The following ARID1B variants were observed in gnomAD, a reference collection of about 807,000 sequenced individuals.
ARID1B encodes the protein AT-rich interaction domain 1B.
In ARID1B, 30 loss-of-function variants were observed where a neutral mutation model predicts 212.3. The ratio of observed to expected loss-of-function variants is 0.14; its 90% CI spans 0.11 to 0.19. The LOEUF (loss-of-function observed/expected upper bound fraction) is 0.19, where lower values mean the gene tolerates loss of function less well. ARID1B is among the 10% of genes least tolerant of loss of function. The pLI, the probability that ARID1B is intolerant of heterozygous loss-of-function variation, is 1.00. For missense variants in ARID1B, 2,891 were observed against 3,204.0 expected (o/e 0.90, Z 2.36); for synonymous variants, 1,402 against 1,301.7 (o/e 1.08, Z -1.66).
rs904236842 is a variant in ARID1B at position 156,829,437 on chromosome 6, C to T, written c.1986+16C>T. The T allele has an allele frequency of 6.2e-7, 1 of 1,605,032 alleles. No homozygotes were observed. The highest frequency in any genetic ancestry group is 1.7e-5 in the Admixed American group (1 of 58,716). ...TCAGCAGCAGGTTTGTGCTGGTCCCCCGACCCGCTGCTTTTTTGTAATAGT... is the reference window on the plus strand; with the variant it reads ...TCAGCAGCAGGTTTGTGCTGGTCCCTCGACCCGCTGCTTTTTTGTAATAGT... On this transcript the variant is annotated intron_variant, in intron 2 of 19. Coordinates refer to ENST00000636930, the MANE Select transcript of ARID1B (RefSeq NM_001374828.1).
At position 157,210,572 on chromosome 6, in the gene ARID1B, G is replaced by A. The variant is rs188954891; in HGVS notation, c.*2681G>A. 4 of 231,760 alleles carry A rather than the reference G, an allele frequency of 1.7e-5. No homozygotes were observed. Among genetic ancestry groups the A allele is most frequent in the Admixed American group, 1.1e-4 (2 of 17,702 alleles). 14.4% of individuals were successfully genotyped at this position (231,760 alleles called of 1,614,324 possible). A position where few individuals can be genotyped will look rare whatever the true frequency, so the allele number is the denominator to read the frequency against. On this transcript the variant is annotated 3_prime_UTR_variant, in exon 20 of 20. Transcript: ENST00000636930. ...CGAATCAAGATTTACAGAAGCCCACGAAGAATTTACAGCCTGCTTGAGATC... is the reference window on the plus strand; with the variant it reads ...CGAATCAAGATTTACAGAAGCCCACAAAGAATTTACAGCCTGCTTGAGATC...
chr6:156,839,318 G>A (rs1783730334), intron 2 of ARID1B, among the ~76,000 whole-genome samples: 1 of 152,164 alleles, frequency 6.6e-6, no homozygotes, highest in Admixed American at 6.5e-5. Context: ...CAGGGTGAGA[G>A]GGTAGTAGCG....
In ARID1B at chr6:157,154,013, CTT is replaced by C. The variant is rs764910694; in HGVS notation, c.3089+5064_3089+5065del. ...GTGCAGATGTGCACAGGTAGAATAA[CTT>C]TCCCCCATTCATTCCATGTGTCTTA... is the stretch of plus-strand genomic sequence containing the variant. On this transcript the variant is annotated intron_variant, in intron 8 of 19. Coordinates refer to ENST00000636930, the MANE Select transcript of ARID1B (RefSeq NM_001374828.1). 3.9e-5 allele frequency among the ~76,000 whole-genome samples: 6 copies of C among 152,224 alleles called. 1 individual carries two copies. Among genetic ancestry groups the C allele is most frequent in the Admixed American group, 2.6e-4 (4 of 15,286 alleles).
intron 2 of ARID1B, among the ~76,000 whole-genome samples, chr6:156,839,055 T>G (rs1214046449): frequency 6.6e-6 from 1 of 152,212 alleles, no homozygotes; most frequent in Non-Finnish European, 1.5e-5. Context: ...CTTCTTTTCT[T>G]CCTACTTGTG....
chr6:156,834,319 T>C (rs550128429), intron 2 of ARID1B, among the ~76,000 whole-genome samples: 10 of 152,274 alleles, frequency 6.6e-5, no homozygotes, highest in African/African-American at 2.4e-4. Flanking sequence ...GTGTCCAGGA[T>C]GAGAAAGGAT....
intron 2 of ARID1B, among the ~76,000 whole-genome samples, chr6:156,847,544 G>C (rs1185929538): frequency 6.6e-6 from 1 of 152,184 alleles, no homozygotes; most frequent in African/African-American, 2.4e-5. Context: ...GGTAAGAGAG[G>C]AGAGTCCAGC....
chr6:156,861,985 T>C (rs1446204175), intron 2 of ARID1B, among the ~76,000 whole-genome samples: 2 of 152,200 alleles, frequency 1.3e-5, no homozygotes, highest in East Asian at 3.9e-4. Flanking sequence ...TTTTCCAGTG[T>C]GCAGCGTGGG....
chr6:157,080,674 G>A (rs1784582995), intron 4 of ARID1B, among the ~76,000 whole-genome samples: 1 of 152,176 alleles, frequency 6.6e-6, no homozygotes, highest in African/African-American at 2.4e-5. Flanking sequence ...AGTCTGATAA[G>A]ATTGTTATTG....
Position 157,209,169 on chromosome 6 carries a change from T to C in ARID1B, c.*1278T>C, listed in dbSNP as rs148830183. ...AAAAAAACTTGATGTAAATTCCTCC[T>C]TTTCCTCTGGCTTAATGAATATCAT... On this transcript the variant is annotated 3_prime_UTR_variant, in exon 20 of 20. Transcript: ENST00000636930. 23 of 230,528 alleles carry C rather than the reference T, an allele frequency of 1.0e-4. No individual in the cohort carries two copies. Among genetic ancestry groups the C allele is most frequent in the Admixed American group, 5.7e-4 (10 of 17,688 alleles). The allele number at this position is 230,528 out of a possible 1,614,324, so 14.3% of individuals were successfully genotyped here. A position where few individuals can be genotyped will look rare whatever the true frequency, so the allele number is the denominator to read the frequency against.
At chr6:157,026,611 C>CA (rs1780684180) in intron 4 of ARID1B, among the ~76,000 whole-genome samples, 1 of 152,188 alleles carries the variant, frequency 6.6e-6, no homozygotes, top group African/African-American at 2.4e-5. Flanking sequence ...CATGAATCCT[C>CA]AGAGACCTAT....
At chr6:157,192,858 T>C (rs2128346086) in intron 15 of ARID1B, among the ~76,000 whole-genome samples, 1 of 152,390 alleles carries the variant, frequency 6.6e-6, no homozygotes, top group Non-Finnish European at 1.5e-5. Flanking sequence ...TTCTTCAGTT[T>C]GCCTTACTCT....
chr6:157,093,156 A>C (rs1467608225), intron 5 of ARID1B, among the ~76,000 whole-genome samples: 1 of 152,224 alleles, frequency 6.6e-6, no homozygotes, highest in African/African-American at 2.4e-5. Flanking sequence ...AGAAGTAAAA[A>C]GTTTCAAAAA....
chr6:156,892,567 A>G (rs778960234), intron 2 of ARID1B, among the ~76,000 whole-genome samples: 2 of 152,266 alleles, frequency 1.3e-5, no homozygotes, highest in Non-Finnish European at 2.9e-5. Flanking sequence ...ATCCATTAAA[A>G]TGCCTAAATC....
intron 1 of ARID1B, among the ~76,000 whole-genome samples, chr6:156,781,680 G>T (rs570371705): frequency 9.9e-5 from 15 of 152,114 alleles, no homozygotes; most frequent in African/African-American, 3.6e-4. Context: ...ATTCTTAATA[G>T]AAAACTTGTG....
intron 1 of ARID1B, among the ~76,000 whole-genome samples, chr6:156,784,148 G>A (rs939484275): frequency 6.6e-6 from 1 of 151,952 alleles, no homozygotes; most frequent in Non-Finnish European, 1.5e-5. Context: ...GGGATTGGGT[G>A]GTTTTGGTTG....
intron 4 of ARID1B, among the ~76,000 whole-genome samples, chr6:156,944,653 C>G (rs1174436414): frequency 1.3e-5 from 2 of 152,146 alleles, no homozygotes; most frequent in Non-Finnish European, 2.9e-5. Context: ...GTGGCAGTTG[C>G]TTTTCATTTC....
At chr6:156,833,108 G>T (rs1026214738) in intron 2 of ARID1B, among the ~76,000 whole-genome samples, 2 of 152,060 alleles carry the variant, frequency 1.3e-5, no homozygotes, top group African/African-American at 4.8e-5. Context: ...CTGGAATTCA[G>T]ACATGGGGTT....
intron 2 of ARID1B, among the ~76,000 whole-genome samples, chr6:156,858,762 C>G (rs578176818): frequency 6.6e-6 from 1 of 152,254 alleles, no homozygotes; most frequent in Admixed American, 6.5e-5. Flanking sequence ...CAGTAAGACT[C>G]TGTCTCAAAA....
In ARID1B at chr6:157,112,982, C is replaced by T. The variant is rs561977922; in HGVS notation, c.2581+2421C>T. 6.0e-5 allele frequency among the ~76,000 whole-genome samples: 9 copies of T among 150,214 alleles called. No homozygotes were observed. In the East Asian group the frequency reaches 1.6e-3, roughly 26 times the overall value. On this transcript the variant is annotated intron_variant, in intron 6 of 19. Coordinates refer to ENST00000636930, the MANE Select transcript of ARID1B (RefSeq NM_001374828.1). ...TGTTGCCCAGGCTGGAGTGCAATGG[C>T]ACGATCTCAGCTCACTGCAACCTCT...
Sources: allele counts gnomAD v4.1 joint callset (sites outside exome capture counted in the v4.1 genomes callset), GRCh38; gene constraint gnomAD v4.1.1; transcripts MANE v1.5; gene names NCBI Gene and HGNC (gene_info 2026-07-23, HGNC 2026-07-21).